Variants in TTN observed in about 807,000 individuals in gnomAD.
TTN encodes connectin.
TTN carries 1,525 observed loss-of-function variants against 3,223.0 expected under a neutral mutation model. The observed-to-expected ratio is 0.47, with a 90% CI of 0.45 to 0.49. The LOEUF (loss-of-function observed/expected upper bound fraction) is 0.49, where lower values mean the gene tolerates loss of function less well. Among genes scored for constraint, TTN ranks in the 20% least tolerant of loss-of-function variants. The pLI is 0.00. For synonymous variants in TTN, 14,094 were observed against 15,161.0 expected, an observed-to-expected ratio of 0.93 and a Z score of 5.17; for missense variants, 40,786 against 43,424.0, an observed-to-expected ratio of 0.94 and a Z score of 5.40.
rs2046675611 is a variant in TTN at position 178,577,404 on chromosome 2, T to G, written c.68931A>C (p.Pro22977=). Residue 22977 remains proline, a synonymous_variant, in exon 324 of 363, where the codon CCA becomes CCC. Transcript: ENST00000589042. ...NAISILGKPL[P]KSSWSKAGKD... is the part of the protein sequence containing the mutation. ...TTCCTGCCTTGGACCAACTTGATTT[T>G]GGAAGGGGTTTGCCAAGAATGCTAA... 6.2e-7 allele frequency: 1 copy of G among 1,612,864 alleles called. No individual in the cohort carries two copies. Among genetic ancestry groups the G allele is most frequent in the Non-Finnish European group, 8.5e-7 (1 of 1,179,478 alleles).
At position 178,782,324 on chromosome 2, in the gene TTN, C is replaced by T. The variant is rs1419239601; in HGVS notation, c.3268G>A (p.Val1090Ile). The T allele has an allele frequency of 1.2e-6, 2 of 1,614,108 alleles. No individual in the cohort carries two copies. The highest frequency in any genetic ancestry group is 8.5e-7 in the Non-Finnish European group (1 of 1,180,004). Reference sequence around the variant, plus strand: ...CTCCCACCTTCCACCAGTTTCTGGACCACTGGTTTTGTAATAAAGTAAGGC... The same window carrying T: ...CTCCCACCTTCCACCAGTTTCTGGATCACTGGTTTTGTAATAAAGTAAGGC... ...AAPYFITKPV[V>I]QKLVEGGSVV... The change falls in exon 20 of 363, where the codon GTC (valine) becomes ATC (isoleucine). Residue 1090 changes from valine (V) to isoleucine (I), a missense_variant. By Grantham distance (29) the Val-to-Ile change is conservative. Coordinates refer to ENST00000589042, the MANE Select transcript of TTN (RefSeq NM_001267550.2).
At chr2:178,558,733 A>G in intron 326 of TTN, 96 bp from the exon 327 acceptor site, 2 of 1,307,708 alleles carry the variant, frequency 1.5e-6, no homozygotes, top group Non-Finnish European at 2.1e-6. Flanking sequence ...TTTTAAATGA[A>G]GGCCATATTT....
At chr2:178,697,073 T>A (rs1451638389) in intron 113 of TTN, 48 bp downstream of exon 113, 13 of 1,452,516 alleles carry the variant, frequency 8.9e-6, no homozygotes, top group Admixed American at 2.0e-5. Context: ...TTAGCAGAAG[T>A]GCAAATCTCA....
chr2:178,542,447 C>T lies in TTN; in HGVS notation c.97309G>A (p.Val32437Ile). ...DGGAPLSGYV[V>I]EQRDAHRPGW... Reference sequence around the variant, plus strand: ...GGACGATGAGCGTCACGTTGTTCTACCACATAACCACTCAGTGGAGCACCA... The same window carrying T: ...GGACGATGAGCGTCACGTTGTTCTATCACATAACCACTCAGTGGAGCACCA... Residue 32437 changes from valine to isoleucine, a missense_variant, in exon 349 of 363, where the codon GTA becomes ATA. By Grantham distance (29) the Val-to-Ile change is conservative. Transcript: ENST00000589042. 6.2e-7 allele frequency: 1 copy of T among 1,613,698 alleles called. No homozygotes were observed. Among genetic ancestry groups the T allele is most frequent in the Non-Finnish European group, 8.5e-7 (1 of 1,179,726 alleles).
rs188934657 is a variant in TTN, at chr2:178,541,635, C to T, written c.97493-51G>A. The T allele has an allele frequency of 1.1e-4, 164 of 1,479,528 alleles. No individual in the cohort carries two copies. In the East Asian group the frequency reaches 3.3e-3, roughly 30 times the overall value. The allele number at this position is 1,479,528 out of a possible 1,614,324, so 91.7% of individuals were successfully genotyped here. A position where few individuals can be genotyped will look rare whatever the true frequency, so the allele number is the denominator to read the frequency against. ...ATATGGCAATATGAATACGTTAAAACAATGACTCATATATTTGTGTTTTCC... is the reference window on the plus strand; with the variant it reads ...ATATGGCAATATGAATACGTTAAAATAATGACTCATATATTTGTGTTTTCC... On this transcript the variant is annotated intron_variant, in intron 349 of 362. Coordinates refer to ENST00000589042, the MANE Select transcript of TTN (RefSeq NM_001267550.2).
Position 178,534,314 on chromosome 2 carries a change from C to T in TTN, c.102301G>A (p.Asp34101Asn). The change falls in exon 358 of 363, where the codon GAC becomes AAC. Residue 34101 changes from aspartate to asparagine, a missense_variant. Physicochemically the swap from Asp to Asn is conservative, Grantham distance 23 (BLOSUM62 1). Transcript: ENST00000589042. Reference sequence around the variant, plus strand: ...GCTGCTGACACAACCATGTTGAGGTCTTTCTTGATCAGGGTGTGGTAATAA... The same window carrying T: ...GCTGCTGACACAACCATGTTGAGGTTTTTCTTGATCAGGGTGTGGTAATAA... ...RRYYHTLIKK[D>N]LNMVVSAARI... The T allele has an allele frequency of 6.2e-7, 1 of 1,613,602 alleles. No individual in the cohort carries two copies. Among genetic ancestry groups the T allele is most frequent in the Non-Finnish European group, 8.5e-7 (1 of 1,179,822 alleles).
chr2:178,693,807 C>T, intron 118 of TTN, 115 bp downstream of exon 118: 2 of 1,229,914 alleles, frequency 1.6e-6, no homozygotes, highest in East Asian at 2.5e-5. Context: ...AAAAAGATGA[C>T]AGAATTTACA....
intron 200 of TTN, 39 bp from the exon 201 acceptor site, chr2:178,652,775 A>G (rs550055060): frequency 6.8e-6 from 11 of 1,609,108 alleles, no homozygotes; most frequent in South Asian, 4.4e-5. Context: ...AGGGGTTATG[A>G]AGACCACTAG....
At chr2:178,696,890 T>A (rs1475037627) in intron 113 of TTN, among the ~76,000 whole-genome samples, 1 of 152,066 alleles carries the variant, frequency 6.6e-6, no homozygotes, top group Non-Finnish European at 1.5e-5. Flanking sequence ...AGCCCTCACT[T>A]CTTCTTTCTC....
At position 178,778,963 on chromosome 2, in the gene TTN, T is replaced by C; in HGVS notation, c.4119A>G (p.Ala1373=). ...CCACATACAATTTCCCTGAGCAAAT[T>C]GCATTTCCTTTAATATTGCTGGCAA... ...TAFASNIKGN[A]ICSGKLYVEP... The change falls in exon 24 of 363, where the codon GCA becomes GCG. Residue 1373 remains alanine, a synonymous_variant. Transcript: ENST00000589042. 1.2e-6 allele frequency: 2 copies of C among 1,614,032 alleles called. No homozygotes were observed. The highest frequency in any genetic ancestry group is 1.7e-6 in the Non-Finnish European group (2 of 1,179,950).
chr2:178,535,846 G>T lies in TTN; in HGVS notation c.100769C>A (p.Pro33590Gln). Reference sequence around the variant, plus strand: ...AGTTTTAGGTAAGTGTATCTTAGCTGGAACTGTATCAGAAAAAAAAAAAAA... The same window carrying T: ...AGTTTTAGGTAAGTGTATCTTAGCTTGAACTGTATCAGAAAAAAAAAAAAA... The part of the protein sequence containing the change: ...SGTASLEVEV[P>Q]AKIHLPKTLE... Residue 33590 changes from proline to glutamine, a missense_variant, in exon 358 of 363, where the codon CCA becomes CAA. By Grantham distance (76) the Pro-to-Gln change is moderately conservative. Coordinates refer to ENST00000589042, the MANE Select transcript of TTN (RefSeq NM_001267550.2). 6.5e-7 allele frequency: 1 copy of T among 1,545,220 alleles called. No homozygotes were observed. Among genetic ancestry groups the T allele is most frequent in the Non-Finnish European group, 8.7e-7 (1 of 1,152,118 alleles).
Position 178,567,167 on chromosome 2 carries a change from T to A in TTN, c.78965A>T (p.Tyr26322Phe). Residue 26322 changes from tyrosine to phenylalanine, a missense_variant, in exon 326 of 363, where the codon TAT (tyrosine) becomes TTT (phenylalanine). Physicochemically the swap from Tyr to Phe is conservative, Grantham distance 22. Transcript: ENST00000589042. ...LQDGGSDISH[Y>F]VVEKRETSRL... ...ACTGGTTTCTCGCTTTTCAACAACATAGTGAGAAATGTCACTGCCACCATC... is the reference window on the plus strand; with the variant it reads ...ACTGGTTTCTCGCTTTTCAACAACAAAGTGAGAAATGTCACTGCCACCATC... 6.2e-7 allele frequency: 1 copy of A among 1,613,362 alleles called. No homozygotes were observed. Among genetic ancestry groups the A allele is most frequent in the Non-Finnish European group, 8.5e-7 (1 of 1,179,504 alleles).
rs755853079 is a variant in TTN, at chr2:178,732,362, A to C, written c.16622-15T>G. The C allele has an allele frequency of 6.3e-7, 1 of 1,582,022 alleles. No individual in the cohort carries two copies. The highest frequency in any genetic ancestry group is 8.6e-7 in the Non-Finnish European group (1 of 1,164,476). ...TGTGGCAGGTTCTGTGGAAGGAAGG[A>C]AGTTATTAAGAAATGTGAGAAAGAG... is the stretch of plus-strand genomic sequence containing the variant. On this transcript the variant is annotated splice_polypyrimidine_tract_variant and intron_variant, in intron 56 of 362. Coordinates refer to ENST00000589042, the MANE Select transcript of TTN (RefSeq NM_001267550.2).
chr2:178,792,075 T>C lies in TTN; in HGVS notation c.1659A>G (p.Glu553=). ...ATATTTAGAAAATCAGACTTACTGCTTCTTGAGTTACTTGTTTCTGTTTCT... is the reference window on the plus strand; with the variant it reads ...ATATTTAGAAAATCAGACTTACTGCCTCTTGAGTTACTTGTTTCTGTTTCT... ...ITKKQKQVTQ[E]AIRQETEITA... The change falls in exon 10 of 363, where the codon GAA becomes GAG. Residue 553 remains glutamate (E), a synonymous_variant. Coordinates refer to ENST00000589042, the MANE Select transcript of TTN (RefSeq NM_001267550.2). 6.2e-7 allele frequency: 1 copy of C among 1,612,322 alleles called. No homozygotes were observed. The highest frequency in any genetic ancestry group is 8.5e-7 in the Non-Finnish European group (1 of 1,179,110).
At position 178,702,517 on chromosome 2, in the gene TTN, T is replaced by A. The variant is rs2075188829; in HGVS notation, c.30370A>T (p.Asn10124Tyr). 1 of 1,613,846 alleles carries A rather than the reference T, an allele frequency of 6.2e-7. No individual in the cohort carries two copies. The highest frequency in any genetic ancestry group is 2.2e-5 in the East Asian group (1 of 44,898). The change falls in exon 107 of 363, where the codon AAC (asparagine) becomes TAC (tyrosine). Residue 10124 changes from asparagine (N) to tyrosine (Y), a missense_variant. Asn to Tyr is a moderately radical substitution (Grantham distance 143). Coordinates refer to ENST00000589042, the MANE Select transcript of TTN (RefSeq NM_001267550.2). ...PTELTESQKYNFRNDGRCHYM... is the reference protein window; with the variant it reads ...PTELTESQKYYFRNDGRCHYM... ...TGGCAGCGGCCATCATTCCTGAAGTTGTATTTCTGGCTCTCTGTCAGTTCT... is the reference window on the plus strand; with the variant it reads ...TGGCAGCGGCCATCATTCCTGAAGTAGTATTTCTGGCTCTCTGTCAGTTCT...
At position 178,634,289 on chromosome 2, in the gene TTN, G is replaced by T; in HGVS notation, c.42415+77C>A. 1 of 1,539,992 alleles carries T rather than the reference G, an allele frequency of 6.5e-7. No individual in the cohort carries two copies. ...TAGTGATGCATTATCACAGCTTTTA[G>T]AACTTGGCGTCCTATCTTTAAAGTC... On this transcript the variant is annotated intron_variant, in intron 230 of 362. Coordinates refer to ENST00000589042, the MANE Select transcript of TTN (RefSeq NM_001267550.2). This position sits in a 1 kb window ranked among gnomAD's most constrained non-coding sequence, Gnocchi z 4.6.
At position 178,778,035 on chromosome 2, in the gene TTN, C is replaced by T. The variant is rs187667157; in HGVS notation, c.4209-60G>A. ...CATAAAGAAAACTCAGCAAAACAAACTTCATTTTGTCTTATTCATTATTCA... is the reference window on the plus strand; with the variant it reads ...CATAAAGAAAACTCAGCAAAACAAATTTCATTTTGTCTTATTCATTATTCA... On this transcript the variant is annotated intron_variant, in intron 24 of 362. Coordinates refer to ENST00000589042, the MANE Select transcript of TTN (RefSeq NM_001267550.2). 7.1e-4 allele frequency: 1,111 copies of T among 1,572,390 alleles called. 10 individuals carry two copies. The African/African-American group carries it at 0.013, about 19-fold the overall frequency.
rs149404931 is a variant in TTN at position 178,774,991 on chromosome 2, A to G, written c.6720T>C (p.Asp2240=). ...CAAGTACACAGCTGTAATCTTCAGC[A>G]TCAGACGTATCAATGGTCAGTATGG... is the stretch of plus-strand genomic sequence containing the variant. ...FLSILTIDTS[D]AEDYSCVLVE... is the part of the protein sequence containing the mutation. Residue 2240 remains aspartate (D), a synonymous_variant, in exon 29 of 363, where the codon GAT becomes GAC. Coordinates refer to ENST00000589042, the MANE Select transcript of TTN (RefSeq NM_001267550.2). 3 of 1,613,934 alleles carry G rather than the reference A, an allele frequency of 1.9e-6. No individual in the cohort carries two copies. The highest frequency in any genetic ancestry group is 2.7e-5 in the African/African-American group (2 of 74,944).
rs529993297 is a variant in TTN at position 178,691,431 on chromosome 2, C to A, written c.31762+585G>T. 5.9e-5 allele frequency among the ~76,000 whole-genome samples: 9 copies of A among 152,178 alleles called. No individual in the cohort carries two copies. The South Asian group carries it at 1.7e-3, about 28-fold the overall frequency. On this transcript the variant is annotated intron_variant, in intron 121 of 362. Coordinates refer to ENST00000589042, the MANE Select transcript of TTN (RefSeq NM_001267550.2). Reference sequence around the variant, plus strand: ...GTACTTTGACTAGCTAATTAGATAACGGAAACATTTATGGCAAATACTGAA... The same window carrying A: ...GTACTTTGACTAGCTAATTAGATAAAGGAAACATTTATGGCAAATACTGAA...
Sources: gnomAD v4.1 joint callset for allele counts (sites outside exome capture counted in the v4.1 genomes callset) on GRCh38, gnomAD v4.1.1 for gene constraint, Gnocchi (gnomAD v3.1) non-coding constraint, MANE v1.5 for transcripts, NCBI Gene and HGNC (gene_info 2026-07-23, HGNC 2026-07-21) for gene names.